NELL1: variants seen among roughly 807,000 people sequenced by gnomAD.
NELL1 encodes the protein protein kinase C-binding protein NELL1.
In NELL1, 76 loss-of-function variants were observed where a neutral mutation model predicts 107.4. The observed-to-expected ratio is 0.71, with a 90% CI of 0.59 to 0.86. The LOEUF is 0.86. NELL1 is among the 40% of genes least tolerant of loss of function. The pLI is 0.00. For synonymous variants in NELL1, 353 were observed against 341.2 expected (o/e 1.03, Z -0.38); for missense variants, 1,024 against 1,005.5 (o/e 1.02, Z -0.25).
intron 12 of NELL1, among the ~76,000 whole-genome samples, chr11:20,985,572 T>C (rs1265969559): frequency 6.6e-6 from 1 of 152,170 alleles, no homozygotes; most frequent in African/African-American, 2.4e-5. Context: ...AACCCACAGA[T>C]GAGGGACTGA....
chr11:21,283,262 G>A (rs375108257), intron 14 of NELL1, among the ~76,000 whole-genome samples: 43 of 152,104 alleles, frequency 2.8e-4, no homozygotes, highest in Admixed American at 1.3e-3. Flanking sequence ...TGCCTGTATC[G>A]AAATGTCTCA....
At chr11:21,470,968 A>C (rs1160190089) in intron 15 of NELL1, among the ~76,000 whole-genome samples, 1 of 152,108 alleles carries the variant, frequency 6.6e-6, no homozygotes, top group East Asian at 1.9e-4. Flanking sequence ...TTAATAAGCT[A>C]TTTTTTACAT....
At chr11:21,205,267 G>C (rs1857364444) in intron 13 of NELL1, among the ~76,000 whole-genome samples, 1 of 152,280 alleles carries the variant, frequency 6.6e-6, no homozygotes, top group South Asian at 2.1e-4. Flanking sequence ...TTATCTTTAA[G>C]CCCACGACTG....
At chr11:20,848,849 A>G (rs1248932075) in intron 4 of NELL1, among the ~76,000 whole-genome samples, 1 of 152,196 alleles carries the variant, frequency 6.6e-6, no homozygotes, top group Non-Finnish European at 1.5e-5. Flanking sequence ...GCTCAAGGGA[A>G]GGTTTGCCAT....
At chr11:20,700,316 T>C (rs566240539) in intron 2 of NELL1, among the ~76,000 whole-genome samples, 28 of 151,938 alleles carry the variant, frequency 1.8e-4, no homozygotes, top group African/African-American at 6.8e-4. Context: ...CCGTCTCTAC[T>C]AAAAATACAA....
chr11:21,524,624 T>G (rs1591005326), intron 15 of NELL1, among the ~76,000 whole-genome samples: 2 of 152,244 alleles, frequency 1.3e-5, no homozygotes, highest in Non-Finnish European at 2.9e-5. Flanking sequence ...GCAAAGGTTT[T>G]ATGATGAAGA....
chr11:20,962,955 A>G (rs1419803687), intron 12 of NELL1, among the ~76,000 whole-genome samples: 1 of 152,192 alleles, frequency 6.6e-6, no homozygotes, highest in African/African-American at 2.4e-5. Flanking sequence ...CTCATGGGTT[A>G]AAGCAGGGGT....
chr11:20,755,581 AG>A (rs1204208846), intron 2 of NELL1, among the ~76,000 whole-genome samples: 5 of 120,946 alleles, frequency 4.1e-5, no homozygotes, highest in African/African-American at 1.9e-4. Flanking sequence ...TTTTTGAGAC[AG>A]AATCTGGCTG....
chr11:21,226,717 A>G lies in NELL1; in HGVS notation c.1427-2615A>G, dbSNP rs148111561. Among the ~76,000 whole-genome samples the G allele has an allele frequency of 8.0e-3, 1,219 of 152,330 alleles. 12 individuals are homozygous for G. Among genetic ancestry groups the G allele is most frequent in the Non-Finnish European group, 0.013 (899 of 68,030 alleles). On this transcript the variant is annotated intron_variant, in intron 13 of 19. Transcript: ENST00000357134. ...AAATTTGCAAATATCATCACAATAT[A>G]TTATGATATCATTGCCTCCAAAGAG... is the stretch of plus-strand genomic sequence containing the variant.
At chr11:21,057,801 T>C (rs1485364264) in intron 12 of NELL1, among the ~76,000 whole-genome samples, 8 of 152,048 alleles carry the variant, frequency 5.3e-5, no homozygotes, top group African/African-American at 1.9e-4. Flanking sequence ...AAATTTTGCC[T>C]ATCTGTGATT....
intron 7 of NELL1, among the ~76,000 whole-genome samples, chr11:20,920,340 G>C (rs1422455212): frequency 6.6e-6 from 1 of 152,108 alleles, no homozygotes; most frequent in Non-Finnish European, 1.5e-5. Context: ...GGGTAGATAA[G>C]TGTTTGCAAG....
At chr11:21,138,256 T>C (rs921423589) in intron 13 of NELL1, among the ~76,000 whole-genome samples, 13 of 152,316 alleles carry the variant, frequency 8.5e-5, no homozygotes, top group African/African-American at 2.9e-4. Context: ...ACTAAGTTAA[T>C]GTTTTATAAA....
chr11:21,529,861 C>T (rs1175463309), intron 15 of NELL1, among the ~76,000 whole-genome samples: 1 of 152,064 alleles, frequency 6.6e-6, no homozygotes, highest in African/African-American at 2.4e-5. Context: ...TTGATTTTAT[C>T]ATTCTCAACC....
chr11:20,738,163 G>A (rs1175073262), intron 2 of NELL1, among the ~76,000 whole-genome samples: 4 of 152,114 alleles, frequency 2.6e-5, no homozygotes. Context: ...GTGTGCGTGT[G>A]CACAGCTGTG....
chr11:21,339,797 G>C (rs1590851578), intron 14 of NELL1, among the ~76,000 whole-genome samples: 1 of 152,250 alleles, frequency 6.6e-6, no homozygotes, highest in African/African-American at 2.4e-5. Context: ...CCTTCATCAT[G>C]CTAGCTCTGG....
At chr11:21,188,390 A>G (rs1285504876) in intron 13 of NELL1, among the ~76,000 whole-genome samples, 1 of 151,752 alleles carries the variant, frequency 6.6e-6, no homozygotes, top group Non-Finnish European at 1.5e-5. Flanking sequence ...AACTCTGCAA[A>G]TGTGTTTGGC....
Position 20,778,498 on chromosome 11 carries a change from CTTTTTTT to C in NELL1, c.185-5164_185-5158del, listed in dbSNP as rs1161737750. Among the ~76,000 whole-genome samples the C allele has an allele frequency of 5.3e-4, 39 of 73,034 alleles. 1 individual carries two copies. The highest frequency in any genetic ancestry group is 1.9e-3 in the African/African-American group (31 of 16,398). 47.9% of individuals were successfully genotyped at this position (73,034 alleles called of 152,430 possible). On this transcript the variant is annotated intron_variant, in intron 2 of 19. Transcript: ENST00000357134. ...TCCAATCTCCTCCCTTCACCCAGCA[CTTTTTTT>C]TTTTTTTTTTTTTTTTTGCTGATGT...
chr11:20,972,309 A>G (rs907707635), intron 12 of NELL1, among the ~76,000 whole-genome samples: 1 of 152,234 alleles, frequency 6.6e-6, no homozygotes, highest in Non-Finnish European at 1.5e-5. Flanking sequence ...ATAAAGTTCA[A>G]TAAGATATAA....
intron 12 of NELL1, among the ~76,000 whole-genome samples, chr11:21,022,507 C>T (rs1852724486): frequency 6.6e-6 from 1 of 152,088 alleles, no homozygotes; most frequent in Non-Finnish European, 1.5e-5. Context: ...GGACTAAGTC[C>T]AAAGTTGCAT....
Sources: gnomAD v4.1 joint callset for allele counts (sites outside exome capture counted in the v4.1 genomes callset) on GRCh38, gnomAD v4.1.1 for gene constraint, MANE v1.5 for transcripts, NCBI Gene and HGNC (gene_info 2026-07-23, HGNC 2026-07-21) for gene names.